The following BCAS4 variants were observed in gnomAD, a reference collection of about 807,000 sequenced individuals.
BCAS4 encodes the protein breast carcinoma-amplified sequence 4.
Under a neutral mutation model 15.7 loss-of-function variants are expected in BCAS4, and 9 were observed. That is an observed-to-expected ratio of 0.57 (90% CI 0.34 to 1.00). The LOEUF (loss-of-function observed/expected upper bound fraction) is 1.00, where lower values mean the gene tolerates loss of function less well. Ranked by LOEUF, BCAS4 falls within the 50% of genes least tolerant of loss-of-function variation. The pLI is 0.02. For synonymous variants in BCAS4, 101 were observed against 99.5 expected, an observed-to-expected ratio of 1.02 and a Z score of -0.09; for missense variants, 225 against 239.1, an observed-to-expected ratio of 0.94 and a Z score of 0.39.
chr20:50,810,677 G>A (rs530513227), intron 1 of BCAS4, among the ~76,000 whole-genome samples: 46 of 149,098 alleles, frequency 3.1e-4, no homozygotes, highest in African/African-American at 1.1e-3. Flanking sequence ...TGCAAGCTCC[G>A]CTTCCTGGGT....
chr20:50,876,491 A>G lies in BCAS4; in HGVS notation c.405A>G (p.Ser135=), dbSNP rs769681815. 9.3e-6 allele frequency: 15 copies of G among 1,613,376 alleles called. No homozygotes were observed. The East Asian group carries it at 3.1e-4, about 34-fold the overall frequency. The change falls in exon 5 of 5, where the codon TCA becomes TCG. Residue 135 remains serine (S), a synonymous_variant. Coordinates refer to ENST00000371608, the MANE Select transcript of BCAS4 (RefSeq NM_198799.4). The part of the protein sequence containing the change: ...SAGLPSFRNK[S]PAPVPVTYEL... ...TTCATTTCTTGTCATTCCAGAAGTC[A>G]CCTGCACCGGTGCCCGTGACGTACG...
intron 4 of BCAS4, among the ~76,000 whole-genome samples, chr20:50,868,847 G>A (rs1023735289): frequency 2.6e-5 from 4 of 152,244 alleles, no homozygotes; most frequent in African/African-American, 9.6e-5. Context: ...ACAACAGGCT[G>A]CACCTGGTGC....
At chr20:50,832,946 G>A (rs1037960319) in intron 3 of BCAS4, 7 of 152,258 alleles carry the variant, frequency 4.6e-5, no homozygotes, top group Non-Finnish European at 1.0e-4. Flanking sequence ...CACAGGTTCT[G>A]GGACTAGGAC....
chr20:50,812,273 C>T (rs2088075430), intron 1 of BCAS4, among the ~76,000 whole-genome samples: 1 of 151,912 alleles, frequency 6.6e-6, no homozygotes, highest in African/African-American at 2.4e-5. Flanking sequence ...GCTGGGACTA[C>T]AGGCGCCCAC....
chr20:50,798,159 G>T (rs2087889051), intron 1 of BCAS4, among the ~76,000 whole-genome samples: 1 of 151,828 alleles, frequency 6.6e-6, no homozygotes, highest in Admixed American at 6.6e-5. Context: ...AGCCAGATGT[G>T]GTGGCATGAG....
intron 2 of BCAS4, among the ~76,000 whole-genome samples, chr20:50,822,846 C>T (rs939313424): frequency 2.7e-5 from 4 of 150,628 alleles, no homozygotes; most frequent in Non-Finnish European, 4.4e-5. Context: ...AGGCTGGTCT[C>T]GAACTCCTGA....
At chr20:50,795,730 A>C (rs1226836015) in intron 1 of BCAS4, among the ~76,000 whole-genome samples, 1 of 152,366 alleles carries the variant, frequency 6.6e-6, no homozygotes, top group Admixed American at 6.5e-5. Flanking sequence ...GGAGTTATTT[A>C]CGGTCAGAAA....
At chr20:50,840,818 C>G (rs2088470612) in intron 3 of BCAS4, 1 of 1,027,960 alleles carries the variant, frequency 9.7e-7, no homozygotes, top group Non-Finnish European at 1.5e-6. Flanking sequence ...GTGGCCACCA[C>G]TGAGTTGTCC....
At chr20:50,840,756 G>A (rs927848240) in intron 3 of BCAS4, 31 of 1,605,208 alleles carry the variant, frequency 1.9e-5, no homozygotes, top group East Asian at 4.5e-5. Flanking sequence ...ACATGGTTAC[G>A]GAGGAGAAGC....
downstream of BCAS4, chr20:50,880,426 T>C (rs1435453654): frequency 1.3e-5 from 2 of 152,220 alleles, no homozygotes; most frequent in African/African-American, 4.8e-5. Flanking sequence ...GGTTGCTGAC[T>C]ATTGATGGCC....
At chr20:50,844,773 A>T (rs753076101) in intron 4 of BCAS4, among the ~76,000 whole-genome samples, 21 of 152,028 alleles carry the variant, frequency 1.4e-4, no homozygotes, top group Admixed American at 2.6e-4. Flanking sequence ...TGGCTGGGGC[A>T]TGCTGGGACC....
intron 2 of BCAS4, among the ~76,000 whole-genome samples, chr20:50,819,544 C>T (rs977568688): frequency 1.3e-5 from 2 of 152,100 alleles, no homozygotes; most frequent in African/African-American, 2.4e-5. Context: ...TCTTTGTGCC[C>T]GGCACAAAGC....
intron 1 of BCAS4, among the ~76,000 whole-genome samples, chr20:50,797,347 G>A (rs1025426450): frequency 2.6e-5 from 4 of 152,024 alleles, no homozygotes; most frequent in Middle Eastern, 3.2e-3. Context: ...CTGCTGAATC[G>A]TACACTTTGA....
intron 4 of BCAS4, among the ~76,000 whole-genome samples, chr20:50,873,060 G>A (rs7267210): frequency 0.12 from 17,972 of 152,280 alleles, 1,375 homozygotes; most frequent in African/African-American, 0.21. Flanking sequence ...CAAATGCAGG[G>A]ATGACCTTTC....
chr20:50,840,979 G>A (rs533614263), intron 3 of BCAS4: 70 of 477,578 alleles, frequency 1.5e-4, no homozygotes, highest in African/African-American at 1.2e-3. Context: ...ACGGGCATGT[G>A]CCACCATGTC....
intron 1 of BCAS4, among the ~76,000 whole-genome samples, chr20:50,802,078 T>C (rs922566423): frequency 2.0e-5 from 3 of 152,134 alleles, no homozygotes; most frequent in Non-Finnish European, 2.9e-5. Context: ...CTCATGCCTG[T>C]AGTCCCAGCA....
In BCAS4 at chr20:50,864,157, G is replaced by A. The variant is rs571223427; in HGVS notation, c.400-12329G>A. Among the ~76,000 whole-genome samples, 4 of 152,306 alleles carry A rather than the reference G, an allele frequency of 2.6e-5. No individual in the cohort carries two copies. In the East Asian group the frequency reaches 7.7e-4, roughly 29 times the overall value. On this transcript the variant is annotated intron_variant, in intron 4 of 4. Coordinates refer to ENST00000371608, the MANE Select transcript of BCAS4 (RefSeq NM_198799.4). Reference sequence around the variant, plus strand: ...TCAGGTGACAGTTTGAAATGCCAAGGCAGGGCCCCTTTGTCAAACTTACTA... The same window carrying A: ...TCAGGTGACAGTTTGAAATGCCAAGACAGGGCCCCTTTGTCAAACTTACTA...
At chr20:50,857,622 G>A (rs1978833664) in intron 4 of BCAS4, among the ~76,000 whole-genome samples, 1 of 152,180 alleles carries the variant, frequency 6.6e-6, no homozygotes, top group Non-Finnish European at 1.5e-5. Flanking sequence ...TACTGCGCTG[G>A]ATGAAGGGAC....
chr20:50,828,248 G>T (rs17788657), intron 2 of BCAS4, among the ~76,000 whole-genome samples: 2,653 of 152,010 alleles, frequency 0.017, 36 homozygotes, highest in Non-Finnish European at 0.025. Context: ...AGAGCTAGGT[G>T]CCCAGAGAGA....
Sources: gnomAD v4.1 joint callset for allele counts (sites outside exome capture counted in the v4.1 genomes callset) on GRCh38, gnomAD v4.1.1 for gene constraint, MANE v1.5 for transcripts, NCBI Gene and HGNC (gene_info 2026-07-23, HGNC 2026-07-21) for gene names.